ZC4H2: variants seen among roughly 807,000 people sequenced by gnomAD.
ZC4H2 encodes the protein zinc finger C4H2-type containing.
For missense variants in ZC4H2, 137 were observed against 173.9 expected, an observed-to-expected ratio of 0.79 and a Z score of 1.19; for synonymous variants, 84 against 66.3, an observed-to-expected ratio of 1.27 and a Z score of -1.30.
upstream of ZC4H2, among the ~76,000 whole-genome samples, chrX:64,978,809 A>G (rs749200604): frequency 6.4e-4 from 71 of 111,620 alleles, no homozygotes; most frequent in Non-Finnish European, 6.4e-4. Flanking sequence ...TGTCAAACAT[A>G]AAGTGGTTTA....
Position 65,006,667 on chromosome X carries a change from C to A in ZC4H2, c.-272+27962G>T, listed in dbSNP as rs926525812. ...GGCACATGTATACATATGCAATAAA[C>A]CTGCATGTTGTGCACATGTACCCTA... is the stretch of plus-strand genomic sequence containing the variant. On this transcript the variant is annotated intron_variant, in intron 1 of 4. Transcript: ENST00000337990. Among the ~76,000 whole-genome samples the A allele has an allele frequency of 3.6e-5, 4 of 111,523 alleles. No individual in the cohort carries two copies. The Admixed American group carries it at 3.8e-4, about 11-fold the overall frequency.
chrX:65,000,196 C>T (rs1020727901), intron 1 of ZC4H2, among the ~76,000 whole-genome samples: 6 of 111,523 alleles, frequency 5.4e-5, no homozygotes, highest in Admixed American at 2.8e-4. Context: ...AGGAGAGCTC[C>T]GGCTGGCATC....
chrX:64,976,224 T>C (rs1931942037), intron 1 of ZC4H2, 101 bp downstream of exon 1: 2 of 1,004,914 alleles, frequency 2.0e-6, no homozygotes, highest in Non-Finnish European at 2.8e-6. Context: ...AATGGGCCCC[T>C]TTCCAGCTCC....
intron 1 of ZC4H2, among the ~76,000 whole-genome samples, chrX:64,971,740 G>A (rs1931788137): frequency 9.0e-6 from 1 of 111,159 alleles, no homozygotes; most frequent in South Asian, 3.8e-4. Flanking sequence ...GGAAGTACAG[G>A]AATTTACTCA....
intron 1 of ZC4H2, among the ~76,000 whole-genome samples, chrX:64,959,854 C>T (rs889249596): frequency 3.6e-5 from 4 of 111,003 alleles, no homozygotes; most frequent in Non-Finnish European, 7.6e-5. Flanking sequence ...AAGACACACC[C>T]TGACTTTACA....
chrX:64,999,970 C>G (rs1403481228), intron 1 of ZC4H2, among the ~76,000 whole-genome samples: 1 of 112,119 alleles, frequency 8.9e-6, no homozygotes, highest in African/African-American at 3.2e-5. Flanking sequence ...ACCCCCATCT[C>G]CCTGGGACAG....
intron 1 of ZC4H2, among the ~76,000 whole-genome samples, chrX:65,000,117 TG>T (rs1316016768): frequency 1.8e-5 from 2 of 112,234 alleles, no homozygotes; most frequent in Non-Finnish European, 3.8e-5. Flanking sequence ...CTTCCTAAAG[TG>T]GGTCCCTAAC....
At chrX:64,988,248 C>A (rs1334931186) in intron 1 of ZC4H2, among the ~76,000 whole-genome samples, 2 of 110,711 alleles carry the variant, frequency 1.8e-5, no homozygotes, top group Non-Finnish European at 3.8e-5. Context: ...GGGTATATAC[C>A]CAGTAATGTG....
intron 1 of ZC4H2, among the ~76,000 whole-genome samples, chrX:65,032,072 C>T (rs769964726): frequency 1.8e-5 from 2 of 110,901 alleles, no homozygotes; most frequent in South Asian, 3.8e-4. Context: ...GAGTTTTTAC[C>T]TTTCTATCGT....
chrX:64,928,760 CTTCTTCTT>C (rs914254905), intron 1 of ZC4H2, among the ~76,000 whole-genome samples: 7 of 97,169 alleles, frequency 7.2e-5, no homozygotes, highest in African/African-American at 2.7e-4. Context: ...TTCTTCTTTT[CTTCTTCTT>C]TTCTTCTTCT....
At chrX:64,993,065 T>C (rs760697910) in intron 1 of ZC4H2, among the ~76,000 whole-genome samples, 6 of 112,193 alleles carry the variant, frequency 5.3e-5, no homozygotes, top group East Asian at 2.8e-4. Context: ...TCCTCCACCA[T>C]AGAGTTGCAA....
chrX:65,000,988 T>C (rs1481683918), intron 1 of ZC4H2, among the ~76,000 whole-genome samples: 3 of 110,435 alleles, frequency 2.7e-5, no homozygotes, highest in Admixed American at 9.6e-5. Context: ...ATGGGGAAAA[T>C]GGAGCCAAAT....
At chrX:65,000,379 T>C (rs1372142634) in intron 1 of ZC4H2, among the ~76,000 whole-genome samples, 2 of 111,845 alleles carry the variant, frequency 1.8e-5, no homozygotes, top group East Asian at 5.6e-4. Flanking sequence ...AAGAAAGGAA[T>C]AGCATCAACA....
intron 1 of ZC4H2, among the ~76,000 whole-genome samples, chrX:64,956,066 T>G (rs935728596): frequency 8.9e-6 from 1 of 111,897 alleles, no homozygotes; most frequent in African/African-American, 3.2e-5. Flanking sequence ...TATAGCAGAT[T>G]TTACTGTAAA....
intron 1 of ZC4H2, among the ~76,000 whole-genome samples, chrX:64,973,481 T>C (rs1026632128): frequency 1.8e-5 from 2 of 109,758 alleles, no homozygotes; most frequent in African/African-American, 6.6e-5. Flanking sequence ...CATTCCCCAG[T>C]TTACAATATA....
intron 1 of ZC4H2, among the ~76,000 whole-genome samples, chrX:65,017,332 T>A (rs2147289464): frequency 8.9e-6 from 1 of 112,334 alleles, no homozygotes; most frequent in Admixed American, 9.4e-5. Flanking sequence ...GCTATTTTAT[T>A]TCACACACGA....
intron 1 of ZC4H2, among the ~76,000 whole-genome samples, chrX:64,988,231 A>C (rs1427203934): frequency 1.8e-5 from 2 of 110,871 alleles, no homozygotes; most frequent in African/African-American, 3.3e-5. Context: ...ATGATTTATA[A>C]TCCTTTGGGT....
In ZC4H2 at chrX:64,917,624, G is replaced by A. The variant is rs1928991389; in HGVS notation, c.*159C>T. The A allele has an allele frequency of 1.4e-5, 11 of 805,626 alleles. No homozygotes were observed. Among genetic ancestry groups the A allele is most frequent in the African/African-American group, 2.1e-5 (1 of 47,212 alleles). The allele number at this position is 805,626 out of a possible 1,213,427, so 66.4% of individuals were successfully genotyped here. A position where few individuals can be genotyped will look rare whatever the true frequency, so the allele number is the denominator to read the frequency against. ...TCCTAAACCAGAAATCCCAAGAGCA[G>A]AAAGAAATAGGAGCAAAGTGAGAGA... is the stretch of plus-strand genomic sequence containing the variant. On this transcript the variant is annotated 3_prime_UTR_variant, in exon 5 of 5. Coordinates refer to ENST00000374839, the MANE Select transcript of ZC4H2 (RefSeq NM_018684.4).
chrX:64,941,930 CT>C (rs1357044004), intron 1 of ZC4H2, among the ~76,000 whole-genome samples: 1 of 112,220 alleles, frequency 8.9e-6, no homozygotes, highest in Non-Finnish European at 1.9e-5. Context: ...AGGAGTCCCT[CT>C]TTTTCTACTG....
Sources: allele counts gnomAD v4.1 joint callset (sites outside exome capture counted in the v4.1 genomes callset), GRCh38; gene constraint gnomAD v4.1.1; transcripts MANE v1.5; gene names NCBI Gene and HGNC (gene_info 2026-07-23, HGNC 2026-07-21).